Variants in MEIS2 observed in about 807,000 individuals in gnomAD.
MEIS2 encodes the protein Meis homeobox 2, also known as homeobox protein Meis2.
MEIS2 carries 9 observed loss-of-function variants against 58.6 expected under a neutral mutation model. The ratio of observed to expected loss-of-function variants is 0.15; its 90% CI spans 0.09 to 0.27. The LOEUF (loss-of-function observed/expected upper bound fraction) is 0.27, where lower values mean the gene tolerates loss of function less well. Among genes scored for constraint, MEIS2 ranks in the 10% least tolerant of loss-of-function variants. The pLI is 1.00. For missense variants in MEIS2, 427 were observed against 635.0 expected, an observed-to-expected ratio of 0.67 and a Z score of 3.52; for synonymous variants, 221 against 228.4, an observed-to-expected ratio of 0.97 and a Z score of 0.29.
chr15:36,956,188 C>CAAAA (rs372946912), intron 8 of MEIS2, among the ~76,000 whole-genome samples: 4 of 56,626 alleles, frequency 7.1e-5, no homozygotes, highest in Admixed American at 2.3e-4. Context: ...AACTCCATCT[C>CAAAA]AAAAAAAAAA....
intron 9 of MEIS2, among the ~76,000 whole-genome samples, chr15:36,934,933 C>A (rs1398319470): frequency 6.6e-6 from 1 of 152,142 alleles, no homozygotes; most frequent in African/African-American, 2.4e-5. Flanking sequence ...TAATATTATT[C>A]AATTCCTATT....
At chr15:37,080,715 C>T (rs933624512) in intron 7 of MEIS2, among the ~76,000 whole-genome samples, 5 of 152,138 alleles carry the variant, frequency 3.3e-5, no homozygotes, top group Non-Finnish European at 5.9e-5. Context: ...TTTCTTCCTC[C>T]GTCTAATGTG....
chr15:37,063,259 G>A (rs1889471589), intron 7 of MEIS2, among the ~76,000 whole-genome samples: 1 of 152,148 alleles, frequency 6.6e-6, no homozygotes, highest in African/African-American at 2.4e-5. Flanking sequence ...GCAAACTTCT[G>A]GCCTCAGGTG....
chr15:36,918,727 C>T (rs1345087702), intron 9 of MEIS2, among the ~76,000 whole-genome samples: 2 of 152,026 alleles, frequency 1.3e-5, no homozygotes, highest in Admixed American at 1.3e-4. Context: ...AGGATTCTGA[C>T]AGGAGGGAAT....
chr15:36,968,582 C>T (rs2059430795), intron 8 of MEIS2, among the ~76,000 whole-genome samples: 2 of 152,136 alleles, frequency 1.3e-5, no homozygotes, highest in East Asian at 1.9e-4. Context: ...GACACTTCCC[C>T]TTGACACTAA....
chr15:36,987,980 T>C (rs1331494610), intron 8 of MEIS2, among the ~76,000 whole-genome samples: 1 of 152,194 alleles, frequency 6.6e-6, no homozygotes, highest in Non-Finnish European at 1.5e-5. Flanking sequence ...TTCATGTCAC[T>C]GGAACAACAT....
chr15:37,047,723 C>T (rs935381308), intron 7 of MEIS2, among the ~76,000 whole-genome samples: 1 of 152,144 alleles, frequency 6.6e-6, no homozygotes, highest in African/African-American at 2.4e-5. Context: ...ACATCTCCTA[C>T]AGAAGAAAAA....
chr15:37,043,908 G>C (rs899687518), intron 7 of MEIS2, among the ~76,000 whole-genome samples: 1 of 151,970 alleles, frequency 6.6e-6, no homozygotes, highest in African/African-American at 2.4e-5. Flanking sequence ...GGATGGTCTG[G>C]ATGTCTTGAC....
intron 7 of MEIS2, among the ~76,000 whole-genome samples, chr15:37,076,241 G>A (rs1891397889): frequency 6.6e-6 from 1 of 151,956 alleles, no homozygotes; most frequent in Admixed American, 6.6e-5. Context: ...CTCTCTGAGG[G>A]TAGAAATCGG....
At chr15:36,906,038 A>C (rs2056716659) in intron 9 of MEIS2, among the ~76,000 whole-genome samples, 1 of 152,212 alleles carries the variant, frequency 6.6e-6, no homozygotes, top group Non-Finnish European at 1.5e-5. Flanking sequence ...GAATGTTGGA[A>C]GAAGAGAAAA....
intron 9 of MEIS2, 114 bp from the exon 10 acceptor site, chr15:36,896,800 T>G: frequency 2.3e-6 from 2 of 875,542 alleles, no homozygotes; most frequent in Non-Finnish European, 3.7e-6. Context: ...GAAAATTATC[T>G]TTTCAATTTA....
chr15:37,043,286 T>A (rs1484448265), intron 7 of MEIS2, among the ~76,000 whole-genome samples: 1 of 152,204 alleles, frequency 6.6e-6, no homozygotes, highest in Non-Finnish European at 1.5e-5. Flanking sequence ...AAGACTTTTT[T>A]TCTGTCTCTT....
intron 8 of MEIS2, among the ~76,000 whole-genome samples, chr15:37,028,781 C>G (rs1007675704): frequency 2.6e-5 from 4 of 152,170 alleles, no homozygotes; most frequent in African/African-American, 9.7e-5. Flanking sequence ...CAGGTTGCCA[C>G]TGCTGATCAC....
chr15:36,900,740 A>G (rs1459042222), intron 9 of MEIS2, among the ~76,000 whole-genome samples: 2 of 152,226 alleles, frequency 1.3e-5, no homozygotes, highest in Non-Finnish European at 2.9e-5. Flanking sequence ...CTTTTCTACA[A>G]CTGAACTCTG....
intron 8 of MEIS2, among the ~76,000 whole-genome samples, chr15:36,959,277 C>T (rs2059099577): frequency 6.6e-6 from 1 of 152,198 alleles, no homozygotes. Flanking sequence ...GATTTTTTTC[C>T]TGCAAGTTAC....
intron 8 of MEIS2, among the ~76,000 whole-genome samples, chr15:37,002,647 T>C (rs58177987): frequency 0.012 from 1,801 of 152,210 alleles, 40 homozygotes; most frequent in African/African-American, 0.04. Context: ...AGTAGCATTT[T>C]TTTCTTAATA....
intron 9 of MEIS2, among the ~76,000 whole-genome samples, chr15:36,900,217 G>A: frequency 6.6e-6 from 1 of 152,106 alleles, no homozygotes; most frequent in East Asian, 1.9e-4. Flanking sequence ...TCCATAAAAT[G>A]TACCAGTAAG....
chr15:37,061,499 A>G (rs1889211864), intron 7 of MEIS2, among the ~76,000 whole-genome samples: 1 of 152,200 alleles, frequency 6.6e-6, no homozygotes, highest in African/African-American at 2.4e-5. Flanking sequence ...AAATCACCAA[A>G]CTACTAAGAT....
chr15:36,916,178 C>T (rs62002395), intron 9 of MEIS2, among the ~76,000 whole-genome samples: 9,228 of 151,478 alleles, frequency 0.061, 493 homozygotes, highest in East Asian at 0.25. Context: ...CTGTAATCCT[C>T]GCACTTCGGA....
Sources: gnomAD v4.1 joint callset for allele counts (sites outside exome capture counted in the v4.1 genomes callset) on GRCh38, gnomAD v4.1.1 for gene constraint, MANE v1.5 for transcripts, NCBI Gene and HGNC (gene_info 2026-07-23, HGNC 2026-07-21) for gene names.